AP2A2: variants seen among roughly 807,000 people sequenced by gnomAD.
The protein encoded by AP2A2 is adaptor related protein complex 2 subunit alpha 2.
A neutral mutation model predicts 104.2 loss-of-function variants in AP2A2; 32 were observed. The ratio of observed to expected loss-of-function variants is 0.31; its 90% CI spans 0.23 to 0.41. AP2A2 has a LOEUF of 0.41. Ranked by LOEUF, AP2A2 falls within the 10% of genes least tolerant of loss-of-function variation. The pLI is 1.00. For synonymous variants in AP2A2, 539 were observed against 533.3 expected (o/e 1.01, Z -0.15); for missense variants, 912 against 1,261.0 (o/e 0.72, Z 4.19).
chr11:983,201 A>T (rs377617068), intron 6 of AP2A2, among the ~76,000 whole-genome samples: 44 of 145,888 alleles, frequency 3.0e-4, no homozygotes, highest in African/African-American at 1.0e-3. Flanking sequence ...TATATTTTTG[A>T]TGGAGATGGG....
At chr11:959,607 A>AGAACTTCACTTT in intron 2 of AP2A2, 102 bp downstream of exon 2, 1 of 777,750 alleles carries the variant, frequency 1.3e-6, no homozygotes, top group Non-Finnish European at 2.1e-6. Flanking sequence ...CACTAAAGTG[A>AGAACTTCACTTT]AGTTCTCAGT....
chr11:956,954 A>T (rs1040511888), intron 1 of AP2A2: 1 of 152,208 alleles, frequency 6.6e-6, no homozygotes, highest in Non-Finnish European at 1.5e-5. Context: ...GGTGTCCTCC[A>T]GCTTGATTCT....
At chr11:1,006,794 A>C in intron 17 of AP2A2, 177 bp downstream of exon 17, 1 of 587,656 alleles carries the variant, frequency 1.7e-6, no homozygotes, top group South Asian at 2.2e-5. Context: ...GAAGGAAAAC[A>C]GGCAGTCTTC....
intron 1 of AP2A2, among the ~76,000 whole-genome samples, chr11:952,178 TTATA>T (rs1235887826): frequency 6.6e-6 from 1 of 152,250 alleles, no homozygotes; most frequent in Non-Finnish European, 1.5e-5. Context: ...TGAAATCACT[TTATA>T]TACAGACTAA....
At position 930,525 on chromosome 11, in the gene AP2A2, AT is replaced by A. The variant is rs1215872425; in HGVS notation, c.67+4450del. Among the ~76,000 whole-genome samples the A allele has an allele frequency of 3.8e-3, 561 of 146,284 alleles. 2 individuals carry two copies. The highest frequency in any genetic ancestry group is 4.2e-3 in the African/African-American group (170 of 40,172). The stretch of plus-strand genomic sequence containing the variant: ...CCTTTTATTTAGTCCCAGTTTTAGA[AT>A]TTTTTTTTTTTTGAGACGGAGTTGC... On this transcript the variant is annotated intron_variant, in intron 1 of 21. Transcript: ENST00000448903.
intron 1 of AP2A2, among the ~76,000 whole-genome samples, chr11:936,548 T>C (rs1361914633): frequency 1.3e-5 from 2 of 152,134 alleles, no homozygotes; most frequent in East Asian, 3.9e-4. Context: ...CACACCTGGC[T>C]AATTTTTAAA....
intron 15 of AP2A2, among the ~76,000 whole-genome samples, chr11:1,003,355 G>A (rs1856088564): frequency 6.6e-6 from 1 of 152,274 alleles, no homozygotes; most frequent in Non-Finnish European, 1.5e-5. Flanking sequence ...CTGGGTGGAA[G>A]CTCAGCACCC....
chr11:939,338 A>G (rs758531371), intron 1 of AP2A2, among the ~76,000 whole-genome samples: 16 of 151,534 alleles, frequency 1.1e-4, no homozygotes, highest in Non-Finnish European at 1.9e-4. Context: ...AATTATTTTC[A>G]TTTTATAGCT....
chr11:974,161 G>C (rs1298685269), intron 4 of AP2A2, among the ~76,000 whole-genome samples: 1 of 151,688 alleles, frequency 6.6e-6, no homozygotes, highest in Non-Finnish European at 1.5e-5. Flanking sequence ...CCCGTGTTCT[G>C]GTGCCTGAGT....
intron 14 of AP2A2, among the ~76,000 whole-genome samples, chr11:998,260 CA>C (rs1280759723): frequency 1.3e-5 from 2 of 152,228 alleles, no homozygotes; most frequent in African/African-American, 4.8e-5. Flanking sequence ...TGCTCCGTCA[CA>C]AGAGCAGAGC....
At chr11:973,627 C>T (rs1356800965) in intron 4 of AP2A2, among the ~76,000 whole-genome samples, 1 of 151,436 alleles carries the variant, frequency 6.6e-6, no homozygotes, top group Non-Finnish European at 1.5e-5. Context: ...GTGGGCGCCC[C>T]GAAAACAGGG....
At chr11:957,414 G>A (rs892808231) in intron 1 of AP2A2, among the ~76,000 whole-genome samples, 22 of 152,308 alleles carry the variant, frequency 1.4e-4, no homozygotes, top group African/African-American at 4.6e-4. Context: ...GATTCTTCCC[G>A]GCCTATCTGT....
In AP2A2 at chr11:1,003,730, G is replaced by C. The variant is rs1856104619; in HGVS notation, c.2132G>C (p.Cys711Ser). 1 of 1,601,092 alleles carries C rather than the reference G, an allele frequency of 6.2e-7. No individual in the cohort carries two copies. Among genetic ancestry groups the C allele is most frequent in the African/African-American group, 1.3e-5 (1 of 74,464 alleles). ...GSEDNFARFV[C>S]KNNGVLFENQ... ...TGTCCCTTTTCCCCTAGGTTTGTTT[G>C]TAAAAACAATGGTGTGTTGTTTGAA... Residue 711 changes from cysteine to serine, a missense_variant, in exon 16 of 22, where the codon TGT (cysteine) becomes TCT (serine). Physicochemically the swap from Cys to Ser is moderately radical, Grantham distance 112. Transcript: ENST00000448903.
chr11:1,010,408 C>G, intron 21 of AP2A2, 140 bp from the exon 22 acceptor site: 1 of 659,050 alleles, frequency 1.5e-6, no homozygotes, highest in Admixed American at 2.5e-5. Context: ...GTGTGTGGTG[C>G]TCAGGCCTCT....
At chr11:959,644 C>A in intron 2 of AP2A2, 139 bp downstream of exon 2, 1 of 645,120 alleles carries the variant, frequency 1.6e-6, no homozygotes, top group Non-Finnish European at 2.7e-6. Flanking sequence ...AGGGCCCTGT[C>A]AGAATTAGGA....
Position 994,111 on chromosome 11 carries a change from G to T in AP2A2, c.1822G>T (p.Glu608Ter). 1 of 1,613,096 alleles carries T rather than the reference G, an allele frequency of 6.2e-7. No individual in the cohort carries two copies. Among genetic ancestry groups the T allele is most frequent in the Non-Finnish European group, 8.5e-7 (1 of 1,179,856 alleles). The change falls in exon 14 of 22, where the codon GAG (glutamate) becomes TAG (stop). Residue 608 changes from glutamate to a stop codon, truncating the protein, a stop_gained. Transcript: ENST00000448903. LOFTEE classifies it high-confidence loss of function. ...LEEMPPFPER[E>*]SSILAKLKKK... The stretch of plus-strand genomic sequence containing the variant: ...GGAGATGCCCCCATTCCCGGAGCGG[G>T]AGTCCTCCATCTTGGCAAAGCTCAA...
intron 1 of AP2A2, among the ~76,000 whole-genome samples, chr11:934,145 G>A (rs572328682): frequency 9.9e-5 from 15 of 152,076 alleles, no homozygotes; most frequent in Admixed American, 7.9e-4. Flanking sequence ...CCCCCACCCC[G>A]ATACCTCAGG....
intron 14 of AP2A2, among the ~76,000 whole-genome samples, chr11:997,174 G>A (rs1018945202): frequency 6.6e-6 from 1 of 152,204 alleles, no homozygotes; most frequent in Non-Finnish European, 1.5e-5. Context: ...TGGCCAAAAT[G>A]TCTTTTATTT....
intron 1 of AP2A2, among the ~76,000 whole-genome samples, chr11:934,139 C>G (rs940453028): frequency 1.3e-5 from 2 of 152,048 alleles, no homozygotes; most frequent in Non-Finnish European, 2.9e-5. Flanking sequence ...TCAGCGCCCC[C>G]ACCCCGATAC....
Sources: gnomAD v4.1 joint callset for allele counts (sites outside exome capture counted in the v4.1 genomes callset) on GRCh38, gnomAD v4.1.1 for gene constraint, MANE v1.5 for transcripts, NCBI Gene and HGNC (gene_info 2026-07-23, HGNC 2026-07-21) for gene names.